DLGAP2: variants seen among roughly 807,000 people sequenced by gnomAD.
DLGAP2 encodes DLG associated protein 2, also known as disks large-associated protein 2.
Under a neutral mutation model 100.3 loss-of-function variants are expected in DLGAP2, and 26 were observed. The ratio of observed to expected loss-of-function variants is 0.26; its 90% CI spans 0.19 to 0.36. The LOEUF (loss-of-function observed/expected upper bound fraction) is 0.36, where lower values mean the gene tolerates loss of function less well. Ranked by LOEUF, DLGAP2 falls within the 10% of genes least tolerant of loss-of-function variation. The pLI, the probability that DLGAP2 is intolerant of heterozygous loss-of-function variation, is 1.00. For synonymous variants in DLGAP2, 886 were observed against 630.1 expected, an observed-to-expected ratio of 1.41 and a Z score of -6.08; for missense variants, 1,858 against 1,453.2, an observed-to-expected ratio of 1.28 and a Z score of -4.53.
chr8:869,898 T>C (rs1797565636), intron 1 of DLGAP2, among the ~76,000 whole-genome samples: 1 of 152,046 alleles, frequency 6.6e-6, no homozygotes, highest in Non-Finnish European at 1.5e-5. Flanking sequence ...AGCGGGACTC[T>C]GCTCTGGAAA....
intron 2 of DLGAP2, among the ~76,000 whole-genome samples, chr8:1,054,008 GT>G (rs1802799556): frequency 6.6e-6 from 1 of 152,108 alleles, no homozygotes; most frequent in Admixed American, 6.5e-5. Flanking sequence ...CAACAAATGT[GT>G]TACACCGGCT....
intron 4 of DLGAP2, among the ~76,000 whole-genome samples, chr8:1,523,996 G>A (rs998229576): frequency 7.2e-5 from 11 of 152,160 alleles, no homozygotes; most frequent in African/African-American, 2.2e-4. Flanking sequence ...CCGCAAGTCC[G>A]GATTCGGCAT....
intron 2 of DLGAP2, among the ~76,000 whole-genome samples, chr8:1,164,590 G>A (rs1276996164): frequency 6.6e-6 from 1 of 152,074 alleles, no homozygotes; most frequent in Non-Finnish European, 1.5e-5. Context: ...TCTAAGCCCA[G>A]ATGCCACAAA....
intron 3 of DLGAP2, among the ~76,000 whole-genome samples, chr8:1,333,080 G>A (rs1407700711): frequency 6.6e-6 from 1 of 152,200 alleles, no homozygotes; most frequent in Non-Finnish European, 1.5e-5. Flanking sequence ...GAGGAGGTCA[G>A]GCTCTTCATG....
intron 2 of DLGAP2, among the ~76,000 whole-genome samples, chr8:997,877 C>A (rs533003812): frequency 5.3e-5 from 8 of 152,166 alleles, no homozygotes; most frequent in African/African-American, 1.7e-4. Flanking sequence ...AACACACATA[C>A]ACACATGCAT....
intron 2 of DLGAP2, among the ~76,000 whole-genome samples, chr8:1,194,574 A>C (rs1343060155): frequency 6.6e-6 from 1 of 152,176 alleles, no homozygotes; most frequent in Non-Finnish European, 1.5e-5. Context: ...CCAGTCAGGA[A>C]GCCCTCAAGC....
At chr8:954,351 C>T (rs1020751734) in intron 2 of DLGAP2, among the ~76,000 whole-genome samples, 1 of 152,180 alleles carries the variant, frequency 6.6e-6, no homozygotes, top group Admixed American at 6.6e-5. Context: ...ATTTCTCCAT[C>T]CCTCTCGCCT....
chr8:776,618 C>G (rs918353679), intron 1 of DLGAP2, among the ~76,000 whole-genome samples: 1 of 152,124 alleles, frequency 6.6e-6, no homozygotes, highest in East Asian at 1.9e-4. Flanking sequence ...CCCAGTAGTC[C>G]TTCAGGAGCA....
intron 3 of DLGAP2, among the ~76,000 whole-genome samples, chr8:1,467,194 C>T (rs1048318622): frequency 7.1e-6 from 1 of 141,310 alleles, no homozygotes; most frequent in Admixed American, 6.8e-5. Flanking sequence ...CCCAGGAGGT[C>T]TCTCATCGTC....
At chr8:1,521,269 G>T (rs1185405137) in intron 4 of DLGAP2, among the ~76,000 whole-genome samples, 1 of 84,100 alleles carries the variant, frequency 1.2e-5, no homozygotes, top group African/African-American at 4.0e-5. Flanking sequence ...AATACTTGGG[G>T]GCAGGTGATA....
rs1244097840 is a variant in DLGAP2 at position 1,239,321 on chromosome 8, C to A, written c.74-19530C>A. ...TCTAGTTCTCTCACATGGCACCGTGCCTAGTTCTGTCTCACATGGGGCCGT... is the reference window on the plus strand; with the variant it reads ...TCTAGTTCTCTCACATGGCACCGTGACTAGTTCTGTCTCACATGGGGCCGT... On this transcript the variant is annotated intron_variant, in intron 2 of 14. Transcript: ENST00000637795. Among the ~76,000 whole-genome samples, 2 of 7,084 alleles carry A rather than the reference C, an allele frequency of 2.8e-4. 1 individual carries two copies. The highest frequency in any genetic ancestry group is 6.3e-3 in the East Asian group (2 of 316). The allele number at this position is 7,084 out of a possible 152,430, so 4.6% of individuals were successfully genotyped here. A position where few individuals can be genotyped will look rare whatever the true frequency, so the allele number is the denominator to read the frequency against.
intron 2 of DLGAP2, among the ~76,000 whole-genome samples, chr8:1,245,695 T>A (rs937495218): frequency 5.5e-4 from 83 of 152,230 alleles, no homozygotes; most frequent in African/African-American, 2.0e-3. Context: ...GCTATTGAGC[T>A]GTGCACTTTC....
chr8:1,691,556 C>G lies in DLGAP2; in HGVS notation c.2726C>G (p.Ala909Gly), dbSNP rs1799260860. Residue 909 changes from alanine to glycine, a missense_variant, in exon 13 of 15, where the codon GCT (alanine) becomes GGT (glycine). Ala to Gly is a moderately conservative substitution (Grantham distance 60). Transcript: ENST00000637795. ...SEEILGKIRS[A>G]VGSAQLLMSQ... ...ACAGTTCTCGGTAAAATCAGGAGTG[C>G]TGTTGGGAGTGCCCAGCTTCTCATG... is the stretch of plus-strand genomic sequence containing the variant. The G allele has an allele frequency of 6.2e-7, 1 of 1,614,076 alleles. No homozygotes were observed. The highest frequency in any genetic ancestry group is 1.3e-5 in the African/African-American group (1 of 75,060).
At chr8:1,622,111 C>T (rs1442138700) in intron 6 of DLGAP2, 1 of 152,244 alleles carries the variant, frequency 6.6e-6, no homozygotes, top group Non-Finnish European at 1.5e-5. Context: ...ATAATACACA[C>T]ATGTGCACGC....
chr8:1,481,633 C>T (rs1799099959), intron 3 of DLGAP2, among the ~76,000 whole-genome samples: 1 of 151,796 alleles, frequency 6.6e-6, no homozygotes, highest in Non-Finnish European at 1.5e-5. Context: ...CATGAACCAC[C>T]ACGCCCGGCT....
In DLGAP2 at chr8:809,136, C is replaced by T. The variant is rs145912186; in HGVS notation, c.18+71311C>T. Among the ~76,000 whole-genome samples, 1,389 of 152,164 alleles carry T rather than the reference C, an allele frequency of 9.1e-3. 9 individuals are homozygous for T. The highest frequency in any genetic ancestry group is 0.012 in the Non-Finnish European group (846 of 68,004). ...GCCAGGCTGGTTTCGAATTCCTGGC[C>T]TCAAGTGATCTGCCTGCCTTGGCCT... is the stretch of plus-strand genomic sequence containing the variant. On this transcript the variant is annotated intron_variant, in intron 1 of 14. Coordinates refer to ENST00000637795, the MANE Select transcript of DLGAP2 (RefSeq NM_001346810.2).
intron 2 of DLGAP2, among the ~76,000 whole-genome samples, chr8:1,093,145 C>T (rs777272672): frequency 2.0e-5 from 3 of 152,174 alleles, no homozygotes; most frequent in African/African-American, 7.2e-5. Flanking sequence ...TGGGTGAGGC[C>T]CACGGTATGA....
In DLGAP2 at chr8:749,583, G is replaced by T. The variant is rs1179544029; in HGVS notation, c.18+11758G>T. On this transcript the variant is annotated intron_variant, in intron 1 of 14. Coordinates refer to ENST00000637795, the MANE Select transcript of DLGAP2 (RefSeq NM_001346810.2). ...AGTGTGATTAAAACTTTCCCCTATT[G>T]TTTGACATTTCAGTTACTTACAAAA... Among the ~76,000 whole-genome samples, 7 of 151,944 alleles carry T rather than the reference G, an allele frequency of 4.6e-5. No homozygotes were observed. In the East Asian group the frequency reaches 1.3e-3, roughly 29 times the overall value.
rs1314534278 is a variant in DLGAP2 at position 1,523,547 on chromosome 8, C to T, written c.172+22116C>T. Among the ~76,000 whole-genome samples, 8 of 152,330 alleles carry T rather than the reference C, an allele frequency of 5.3e-5. No individual in the cohort carries two copies. The East Asian group carries it at 7.8e-4, about 15-fold the overall frequency. ...AGGACTCCCTGCCCCAGGCCGGCAC[C>T]GCACAGTCCCTGGGTAGAAAATTGA... On this transcript the variant is annotated intron_variant, in intron 4 of 14. Coordinates refer to ENST00000637795, the MANE Select transcript of DLGAP2 (RefSeq NM_001346810.2).
Sources: allele counts gnomAD v4.1 joint callset (sites outside exome capture counted in the v4.1 genomes callset), GRCh38; gene constraint gnomAD v4.1.1; transcripts MANE v1.5; gene names NCBI Gene and HGNC (gene_info 2026-07-23, HGNC 2026-07-21).